Variants in FAXC observed in about 807,000 individuals in gnomAD.
FAXC encodes the protein failed axon connections homolog.
A neutral mutation model predicts 41.9 loss-of-function variants in FAXC; 10 were observed. That is an observed-to-expected ratio of 0.24 (90% CI 0.15 to 0.41). The LOEUF (loss-of-function observed/expected upper bound fraction) is 0.41, where lower values mean the gene tolerates loss of function less well. Ranked by LOEUF, FAXC falls within the 10% of genes least tolerant of loss-of-function variation. The probability of loss-of-function intolerance (pLI) is 1.00; values close to 1 mark genes in which losing one functional copy is unlikely to be tolerated. For synonymous variants in FAXC, 183 were observed against 183.8 expected (o/e 1.00, Z 0.03); for missense variants, 399 against 510.9 (o/e 0.78, Z 2.11).
chr6:99,335,480 C>T (rs753637146), intron 2 of FAXC, among the ~76,000 whole-genome samples: 15 of 152,184 alleles, frequency 9.9e-5, no homozygotes, highest in Admixed American at 3.3e-4. Flanking sequence ...CTTCCTTAAA[C>T]CTTTCGTAAG....
At chr6:99,314,930 G>C (rs1314204909) in intron 4 of FAXC, among the ~76,000 whole-genome samples, 5 of 151,978 alleles carry the variant, frequency 3.3e-5, no homozygotes, top group Non-Finnish European at 5.9e-5. Flanking sequence ...CTTTCAGAAT[G>C]CTGCTTAAAT....
At chr6:99,282,023 G>A (rs1247471745) in intron 5 of FAXC, among the ~76,000 whole-genome samples, 4 of 151,944 alleles carry the variant, frequency 2.6e-5, no homozygotes, top group Non-Finnish European at 5.9e-5. Flanking sequence ...AATAAAAACG[G>A]TGAGTGAGAA....
intron 4 of FAXC, among the ~76,000 whole-genome samples, chr6:99,293,665 A>AGTGTGT (rs55827992): frequency 0.039 from 4,809 of 123,032 alleles, 180 homozygotes; most frequent in Non-Finnish European, 0.045. Context: ...CTCTATACAC[A>AGTGTGT]GTGTGTGTGT....
intron 5 of FAXC, among the ~76,000 whole-genome samples, chr6:99,283,775 A>T (rs1243175851): frequency 6.6e-6 from 1 of 152,202 alleles, no homozygotes; most frequent in East Asian, 1.9e-4. Flanking sequence ...CTAATTGGGG[A>T]GGTAAAGAGA....
At chr6:99,327,405 C>T (rs928649996) in intron 3 of FAXC, among the ~76,000 whole-genome samples, 1 of 152,192 alleles carries the variant, frequency 6.6e-6, no homozygotes, top group Non-Finnish European at 1.5e-5. Flanking sequence ...ACCCCAACTA[C>T]TCCACCAAAA....
At chr6:99,345,164 G>C (rs1365265238) in intron 1 of FAXC, among the ~76,000 whole-genome samples, 1 of 152,096 alleles carries the variant, frequency 6.6e-6, no homozygotes, top group Non-Finnish European at 1.5e-5. Flanking sequence ...TCACCAAAAT[G>C]GGCAATTCCT....
chr6:99,341,878 T>C (rs1289643838), intron 2 of FAXC, among the ~76,000 whole-genome samples: 1 of 138,800 alleles, frequency 7.2e-6, no homozygotes, highest in East Asian at 2.2e-4. Flanking sequence ...GAGACTATCT[T>C]CTCTGACCAT....
rs1172732709 is a variant in FAXC, at chr6:99,276,276, C to A, written c.*4888G>T. The A allele has an allele frequency of 6.6e-6, 1 of 152,040 alleles. No homozygotes were observed. The highest frequency in any genetic ancestry group is 1.5e-5 in the Non-Finnish European group (1 of 68,022). 9.4% of individuals were successfully genotyped at this position (152,040 alleles called of 1,614,324 possible). On this transcript the variant is annotated 3_prime_UTR_variant, in exon 6 of 6. Coordinates refer to ENST00000389677, the MANE Select transcript of FAXC (RefSeq NM_032511.4). ...CTATGAATGAATGAATAAATGAATA[C>A]AGGAAAACCTGATTGTGCAGACCTT...
chr6:99,340,108 C>CT (rs1054759700), intron 2 of FAXC, among the ~76,000 whole-genome samples: 57 of 151,060 alleles, frequency 3.8e-4, no homozygotes, highest in African/African-American at 1.0e-3. Context: ...CATCAATTTT[C>CT]TTTTTTTTTG....
intron 5 of FAXC, among the ~76,000 whole-genome samples, chr6:99,288,393 A>G (rs1771101427): frequency 6.6e-6 from 1 of 152,122 alleles, no homozygotes; most frequent in Non-Finnish European, 1.5e-5. Context: ...GTGTATATAC[A>G]TGTGGGTGTG....
intron 1 of FAXC, among the ~76,000 whole-genome samples, chr6:99,347,104 A>G (rs1231577826): frequency 6.7e-6 from 1 of 148,728 alleles, no homozygotes; most frequent in Admixed American, 6.7e-5. Context: ...TCCACAAAAA[A>G]GTTAAAAAAA....
chr6:99,304,311 AT>A (rs202065044), intron 4 of FAXC, among the ~76,000 whole-genome samples: 2 of 151,622 alleles, frequency 1.3e-5, no homozygotes, highest in East Asian at 2.0e-4. Context: ...AAATAAAATA[AT>A]TTAAAAAAAA....
chr6:99,291,604 C>T (rs2128449787), intron 5 of FAXC, 100 bp downstream of exon 5: 2 of 851,390 alleles, frequency 2.3e-6, no homozygotes, highest in Admixed American at 1.8e-5. Context: ...ATAAAGCACA[C>T]CCAAGACGAA....
At chr6:99,316,735 G>C (rs1772371956) in intron 4 of FAXC, among the ~76,000 whole-genome samples, 1 of 152,152 alleles carries the variant, frequency 6.6e-6, no homozygotes, top group Admixed American at 6.5e-5. Context: ...AATCACAAAA[G>C]CTTAACCCTG....
intron 4 of FAXC, among the ~76,000 whole-genome samples, chr6:99,319,652 T>A (rs1772520707): frequency 6.6e-6 from 1 of 152,166 alleles, no homozygotes; most frequent in Non-Finnish European, 1.5e-5. Flanking sequence ...AGAGCTGGGG[T>A]TTGAGTTCTG....
intron 4 of FAXC, among the ~76,000 whole-genome samples, chr6:99,312,549 C>T (rs1237206901): frequency 2.0e-5 from 3 of 152,142 alleles, no homozygotes; most frequent in African/African-American, 7.2e-5. Context: ...CCCTCAGACT[C>T]CCAGCTGAAG....
At chr6:99,302,996 T>TA (rs1415744432) in intron 4 of FAXC, among the ~76,000 whole-genome samples, 4 of 152,152 alleles carry the variant, frequency 2.6e-5, no homozygotes, top group Non-Finnish European at 5.9e-5. Context: ...AATGTGATCA[T>TA]AAAAAATCAA....
intron 3 of FAXC, among the ~76,000 whole-genome samples, chr6:99,329,711 G>A (rs984400608): frequency 6.6e-6 from 1 of 151,974 alleles, no homozygotes; most frequent in Non-Finnish European, 1.5e-5. Context: ...AGAAAGAGTA[G>A]TCTCTTGGCT....
chr6:99,289,252 T>A (rs1165749269), intron 5 of FAXC, among the ~76,000 whole-genome samples: 6 of 152,314 alleles, frequency 3.9e-5, no homozygotes, highest in Non-Finnish European at 8.8e-5. Context: ...ACAGTTCCCA[T>A]GCAACTATGC....
Sources: allele counts gnomAD v4.1 joint callset (sites outside exome capture counted in the v4.1 genomes callset), GRCh38; gene constraint gnomAD v4.1.1; transcripts MANE v1.5; gene names NCBI Gene and HGNC (gene_info 2026-07-23, HGNC 2026-07-21).